The following SHISA6 variants were observed in gnomAD, a reference collection of about 807,000 sequenced individuals.
The protein encoded by SHISA6 is protein shisa-6.
A neutral mutation model predicts 47.9 loss-of-function variants in SHISA6; 22 were observed. The ratio of observed to expected loss-of-function variants is 0.46; its 90% confidence interval spans 0.33 to 0.66. SHISA6 has a LOEUF of 0.66. Ranked by LOEUF, SHISA6 falls within the 30% of genes least tolerant of loss-of-function variation. SHISA6 has a pLI of 0.02. For missense variants in SHISA6, 680 were observed against 764.6 expected, an observed-to-expected ratio of 0.89 and a Z score of 1.30; for synonymous variants, 388 against 337.8, an observed-to-expected ratio of 1.15 and a Z score of -1.63.
chr17:11,424,905 G>GC (rs758292946), intron 3 of SHISA6, among the ~76,000 whole-genome samples: 59 of 150,874 alleles, frequency 3.9e-4, no homozygotes, highest in South Asian at 6.3e-4. Context: ...GCTACTGGGG[G>GC]CTGAGGCAGG....
chr17:11,379,202 A>T (rs1328811886), intron 2 of SHISA6, among the ~76,000 whole-genome samples: 1 of 148,202 alleles, frequency 6.7e-6, no homozygotes, highest in African/African-American at 2.5e-5. Flanking sequence ...ATATATGTGT[A>T]TATGTATATA....
intron 3 of SHISA6, among the ~76,000 whole-genome samples, chr17:11,462,418 G>A (rs899056319): frequency 2.6e-5 from 4 of 152,126 alleles, no homozygotes; most frequent in African/African-American, 4.8e-5. Context: ...TCATGGATCC[G>A]GCAACAGCTG....
At chr17:11,368,925 GA>G (rs1912538221) in intron 2 of SHISA6, among the ~76,000 whole-genome samples, 2 of 152,142 alleles carry the variant, frequency 1.3e-5, no homozygotes, top group African/African-American at 2.4e-5. Context: ...AAAGTGCTGG[GA>G]TTACAGGCAT....
intron 3 of SHISA6, among the ~76,000 whole-genome samples, chr17:11,393,915 C>T (rs1390796673): frequency 1.3e-5 from 2 of 152,206 alleles, no homozygotes; most frequent in East Asian, 3.8e-4. Flanking sequence ...GAATGTTCTT[C>T]CACTTTGGTA....
At position 11,309,484 on chromosome 17, in the gene SHISA6, T is replaced by C. The variant is rs902982892; in HGVS notation, c.799+45958T>C. On this transcript the variant is annotated intron_variant, in intron 2 of 5. Transcript: ENST00000441885. ...GTTTCTTCTTTTGGAAGCAGGAAGA[T>C]AACCTGAGAACCTGGATTGGGCCAT... 1.3e-4 allele frequency among the ~76,000 whole-genome samples: 20 copies of C among 152,248 alleles called. 1 individual carries two copies. The highest frequency in any genetic ancestry group is 2.9e-4 in the Non-Finnish European group (20 of 68,044).
intron 2 of SHISA6, among the ~76,000 whole-genome samples, chr17:11,338,297 A>C (rs1295942064): frequency 2.6e-5 from 4 of 152,244 alleles, no homozygotes; most frequent in Non-Finnish European, 5.9e-5. Context: ...CCAAAGTGAT[A>C]GTCCAAGGAG....
chr17:11,285,919 G>A (rs992939165), intron 2 of SHISA6, among the ~76,000 whole-genome samples: 8 of 150,826 alleles, frequency 5.3e-5, no homozygotes, highest in Admixed American at 1.3e-4. Context: ...TCACTGCAAC[G>A]TCAGTCTCGT....
chr17:11,556,233 A>G (rs2071978343), intron 5 of SHISA6, among the ~76,000 whole-genome samples: 1 of 152,150 alleles, frequency 6.6e-6, no homozygotes, highest in African/African-American at 2.4e-5. Context: ...TCCTTGCTGT[A>G]TACCCTATAC....
Position 11,263,398 on chromosome 17 carries a change from C to G in SHISA6, c.671C>G (p.Pro224Arg), listed in dbSNP as rs964234145. ...ALADILRQQG[P>R]IPIAHCERET... The stretch of plus-strand genomic sequence containing the variant: ...GCTGACATCTTAAGACAACAGGGAC[C>G]AATCCCCATAGCACACTGTGAAAGA... The change falls in exon 2 of 6, where the codon CCA becomes CGA. Residue 224 changes from proline (P) to arginine (R), a missense_variant. Coordinates refer to ENST00000441885, the MANE Select transcript of SHISA6 (RefSeq NM_207386.4). 2 of 1,552,118 alleles carry G rather than the reference C, an allele frequency of 1.3e-6. No individual in the cohort carries two copies. Among genetic ancestry groups the G allele is most frequent in the Non-Finnish European group, 1.7e-6 (2 of 1,147,094 alleles).
chr17:11,263,175 G>A (rs1908300127), intron 1 of SHISA6, among the ~76,000 whole-genome samples, 191 bp from the exon 2 acceptor site: 2 of 152,116 alleles, frequency 1.3e-5, no homozygotes, highest in Admixed American at 1.3e-4. Context: ...GTACCTCCAG[G>A]CATGGTAACC....
At chr17:11,533,015 C>T (rs1353607187) in intron 3 of SHISA6, among the ~76,000 whole-genome samples, 1 of 152,126 alleles carries the variant, frequency 6.6e-6, no homozygotes, top group Non-Finnish European at 1.5e-5. Flanking sequence ...GTTGTGTTGC[C>T]TTTGCTGCTG....
intron 2 of SHISA6, among the ~76,000 whole-genome samples, chr17:11,274,764 CAGAAAGACG>C: frequency 6.6e-6 from 1 of 152,274 alleles, no homozygotes; most frequent in East Asian, 1.9e-4. Flanking sequence ...ACTCCAGGAG[CAGAAAGACG>C]AGACAATACA....
intron 1 of SHISA6, among the ~76,000 whole-genome samples, chr17:11,249,086 C>T (rs1030052124): frequency 8.1e-5 from 12 of 148,104 alleles, no homozygotes; most frequent in Admixed American, 2.1e-4. Context: ...TGCAGTGAGC[C>T]GAGATCGCGC....
At chr17:11,378,965 A>C (rs990216089) in intron 2 of SHISA6, among the ~76,000 whole-genome samples, 2 of 152,022 alleles carry the variant, frequency 1.3e-5, no homozygotes, top group East Asian at 3.9e-4. Context: ...GGACAAATAG[A>C]CTAAGGTTCT....
intron 1 of SHISA6, 101 bp downstream of exon 1, chr17:11,242,161 A>G: frequency 2.8e-6 from 4 of 1,437,802 alleles, no homozygotes; most frequent in Non-Finnish European, 3.8e-6. Context: ...ACACCTCCCC[A>G]GGCCCTCTAG....
At chr17:11,363,929 A>G (rs953759361) in intron 2 of SHISA6, among the ~76,000 whole-genome samples, 1 of 152,110 alleles carries the variant, frequency 6.6e-6, no homozygotes, top group Non-Finnish European at 1.5e-5. Flanking sequence ...CTGAGGTGCT[A>G]CTCTCAGTGC....
intron 2 of SHISA6, among the ~76,000 whole-genome samples, chr17:11,351,667 G>T (rs1015745402): frequency 7.9e-5 from 12 of 152,220 alleles, no homozygotes; most frequent in African/African-American, 2.9e-4. Flanking sequence ...CGTGAGAAAA[G>T]AAACTATGTT....
At chr17:11,312,886 A>G (rs1283674032) in intron 2 of SHISA6, among the ~76,000 whole-genome samples, 3 of 152,204 alleles carry the variant, frequency 2.0e-5, no homozygotes, top group African/African-American at 7.2e-5. Context: ...ATAGAATGCT[A>G]GATCAAAATT....
chr17:11,446,567 A>T (rs1030452618), intron 3 of SHISA6, among the ~76,000 whole-genome samples: 2 of 152,246 alleles, frequency 1.3e-5, no homozygotes, highest in Non-Finnish European at 2.9e-5. Flanking sequence ...CTCTTAGACA[A>T]ATATTGAGTG....
Sources: allele counts gnomAD v4.1 joint callset (sites outside exome capture counted in the v4.1 genomes callset), GRCh38; gene constraint gnomAD v4.1.1; transcripts MANE v1.5; gene names NCBI Gene and HGNC (gene_info 2026-07-23, HGNC 2026-07-21).